ANKRD17: variants seen among roughly 807,000 people sequenced by gnomAD.
The protein encoded by ANKRD17 is ankyrin repeat domain 17, also known as ankyrin repeat domain-containing protein 17.
A neutral mutation model predicts 229.7 loss-of-function variants in ANKRD17; 19 were observed. The observed-to-expected ratio is 0.08, with a 90% CI of 0.06 to 0.12. The LOEUF is 0.12. Ranked by LOEUF, ANKRD17 falls within the 10% of genes least tolerant of loss-of-function variation. The pLI is 1.00. For synonymous variants in ANKRD17, 1,112 were observed against 1,146.1 expected (o/e 0.97, Z 0.60); for missense variants, 2,176 against 3,176.8 (o/e 0.68, Z 7.57).
chr4:73,102,806 G>T, intron 24 of ANKRD17: 1 of 375,804 alleles, frequency 2.7e-6, no homozygotes, highest in South Asian at 4.5e-5. Flanking sequence ...TAATCATTAA[G>T]GACATGTAAG....
At chr4:73,141,592 T>C (rs1219700098) in intron 14 of ANKRD17, 149 bp downstream of exon 14, 2 of 674,764 alleles carry the variant, frequency 3.0e-6, no homozygotes, top group African/African-American at 3.6e-5. Context: ...TAACTATTTT[T>C]TTCTCCCAAT....
At chr4:73,239,383 T>C (rs1743802251) in intron 1 of ANKRD17, among the ~76,000 whole-genome samples, 1 of 152,144 alleles carries the variant, frequency 6.6e-6, no homozygotes. Flanking sequence ...GAACTTTGGA[T>C]ACAACCAAAA....
At chr4:73,117,267 G>A (rs371001132) in intron 22 of ANKRD17, among the ~76,000 whole-genome samples, 1 of 152,120 alleles carries the variant, frequency 6.6e-6, no homozygotes, top group African/African-American at 2.4e-5. Flanking sequence ...TGATGTGAGA[G>A]ATAGGAACAA....
chr4:73,237,836 T>C (rs988225427), intron 1 of ANKRD17, among the ~76,000 whole-genome samples: 6 of 152,142 alleles, frequency 3.9e-5, no homozygotes, highest in African/African-American at 1.4e-4. Context: ...CTACAAATTT[T>C]TAAGTTCTCA....
rs574585209 is a variant in ANKRD17, at chr4:73,176,843, A to G, written c.547+537T>C. Among the ~76,000 whole-genome samples, 82 of 152,302 alleles carry G rather than the reference A, an allele frequency of 5.4e-4. 1 individual carries two copies. In the South Asian group the frequency reaches 0.016, roughly 29 times the overall value. On this transcript the variant is annotated intron_variant, in intron 2 of 33. Coordinates refer to ENST00000358602, the MANE Select transcript of ANKRD17 (RefSeq NM_032217.5). ...ATGTATCCCATAAATACTTACACCTACTATGTACCCACAAAAATTAAAAAT... is the reference window on the plus strand; with the variant it reads ...ATGTATCCCATAAATACTTACACCTGCTATGTACCCACAAAAATTAAAAAT...
chr4:73,127,753 A>G (rs1317467804), intron 16 of ANKRD17, among the ~76,000 whole-genome samples: 3 of 152,246 alleles, frequency 2.0e-5, no homozygotes, highest in Non-Finnish European at 4.4e-5. Flanking sequence ...AAGGGACTAT[A>G]TATGTAGCAT....
At position 73,139,512 on chromosome 4, in the gene ANKRD17, C is replaced by A; in HGVS notation, c.3085+19G>T. On this transcript the variant is annotated intron_variant, in intron 15 of 33. Transcript: ENST00000358602. ...AAGCAAATCATATTTGATACCTGCTCATAACAATATAAACCCACCTGCCAT... is the reference window on the plus strand; with the variant it reads ...AAGCAAATCATATTTGATACCTGCTAATAACAATATAAACCCACCTGCCAT... 6.3e-7 allele frequency: 1 copy of A among 1,591,712 alleles called. No homozygotes were observed. Among genetic ancestry groups the A allele is most frequent in the South Asian group, 1.1e-5 (1 of 87,716 alleles).
chr4:73,098,762 G>A (rs570137237), intron 25 of ANKRD17: 47 of 1,082,670 alleles, frequency 4.3e-5, no homozygotes, highest in Admixed American at 5.8e-5. Context: ...TGGTGCTGGC[G>A]TGGCTCCAGG....
intron 23 of ANKRD17, 50 bp from the exon 24 acceptor site, chr4:73,113,958 T>TA (rs777518752): frequency 7.4e-7 from 1 of 1,343,878 alleles, no homozygotes; most frequent in South Asian, 1.2e-5. Flanking sequence ...AATTCTCACT[T>TA]AGAGAAATTC....
At chr4:73,077,976 G>A (rs1006635605) in intron 31 of ANKRD17, among the ~76,000 whole-genome samples, 20 of 152,130 alleles carry the variant, frequency 1.3e-4, no homozygotes, top group Non-Finnish European at 2.2e-4. Context: ...GAGGCTGGGC[G>A]TGGTGGCTCA....
intron 9 of ANKRD17, 58 bp downstream of exon 9, chr4:73,147,183 G>A: frequency 7.0e-7 from 1 of 1,419,230 alleles, no homozygotes; most frequent in Non-Finnish European, 9.5e-7. Flanking sequence ...TTTGCATTAT[G>A]ACATTTTTAC....
chr4:73,185,024 A>G (rs185445200), intron 1 of ANKRD17, among the ~76,000 whole-genome samples: 7 of 152,160 alleles, frequency 4.6e-5, no homozygotes, highest in Admixed American at 4.6e-4. Flanking sequence ...TACGAACTTA[A>G]GTAAAACAAA....
chr4:73,118,518 A>G (rs985246259), intron 22 of ANKRD17, among the ~76,000 whole-genome samples, 170 bp downstream of exon 22: 4 of 152,108 alleles, frequency 2.6e-5, no homozygotes, highest in Non-Finnish European at 5.9e-5. Flanking sequence ...GCTTTTCTGA[A>G]AAACCTGTAT....
intron 18 of ANKRD17, among the ~76,000 whole-genome samples, chr4:73,124,287 T>A (rs1276689876): frequency 1.2e-4 from 3 of 24,288 alleles, no homozygotes; most frequent in African/African-American, 8.0e-4. Flanking sequence ...GGACTGAATT[T>A]GAAAAAAAAA....
At chr4:73,151,294 T>A in intron 7 of ANKRD17, 136 bp downstream of exon 7, 1 of 713,968 alleles carries the variant, frequency 1.4e-6, no homozygotes, top group Non-Finnish European at 2.2e-6. Flanking sequence ...TTAATAGAAG[T>A]TAATGTTGTA....
chr4:73,088,397 C>T (rs1320281850), intron 29 of ANKRD17, among the ~76,000 whole-genome samples: 1 of 152,082 alleles, frequency 6.6e-6, no homozygotes, highest in Non-Finnish European at 1.5e-5. Flanking sequence ...TGGCTCTCAT[C>T]AACTATACAC....
At chr4:73,093,769 C>A (rs929556239) in intron 28 of ANKRD17, among the ~76,000 whole-genome samples, 1 of 152,100 alleles carries the variant, frequency 6.6e-6, no homozygotes, top group Non-Finnish European at 1.5e-5. Context: ...GTTAGAAATG[C>A]GCTCCCTAAA....
At chr4:73,169,403 C>T (rs1733676473) in intron 2 of ANKRD17, among the ~76,000 whole-genome samples, 4 of 151,980 alleles carry the variant, frequency 2.6e-5, no homozygotes, top group Admixed American at 2.6e-4. Flanking sequence ...GGTTTTTGAC[C>T]TCAGTCCCTG....
At chr4:73,205,742 G>T (rs1450165698) in intron 1 of ANKRD17, among the ~76,000 whole-genome samples, 1 of 152,142 alleles carries the variant, frequency 6.6e-6, no homozygotes, top group Admixed American at 6.5e-5. Flanking sequence ...AGATGAATGG[G>T]ATTACATCAA....
Sources: gnomAD v4.1 joint callset for allele counts (sites outside exome capture counted in the v4.1 genomes callset) on GRCh38, gnomAD v4.1.1 for gene constraint, MANE v1.5 for transcripts, NCBI Gene and HGNC (gene_info 2026-07-23, HGNC 2026-07-21) for gene names.